The following VEPH1 variants were observed in gnomAD, a reference collection of about 807,000 sequenced individuals.
VEPH1 encodes the protein ventricular zone-expressed PH domain-containing protein homolog 1.
In VEPH1, 80 loss-of-function variants were observed where a neutral mutation model predicts 85.2. That is an observed-to-expected ratio of 0.94 (90% CI 0.78 to 1.13). The LOEUF (loss-of-function observed/expected upper bound fraction) is 1.13. Among genes scored for constraint, VEPH1 ranks in the 50% most tolerant of loss-of-function variants. The pLI is 0.00. For missense variants in VEPH1, 955 were observed against 980.5 expected (o/e 0.97, Z 0.35); for synonymous variants, 297 against 348.0 (o/e 0.85, Z 1.63).
intron 5 of VEPH1, among the ~76,000 whole-genome samples, chr3:157,426,013 G>C (rs974864549): frequency 6.6e-6 from 1 of 152,146 alleles, no homozygotes. Context: ...TTCTGCTTTT[G>C]CATGGGGTTC....
At chr3:157,413,625 C>T (rs934109774) in intron 6 of VEPH1, 2 of 985,356 alleles carry the variant, frequency 2.0e-6, no homozygotes, top group Non-Finnish European at 1.2e-6. Context: ...TTCCACATAA[C>T]CCTGCTACTT....
intron 4 of VEPH1, among the ~76,000 whole-genome samples, chr3:157,449,272 G>T (rs556198465): frequency 4.7e-4 from 71 of 152,202 alleles, no homozygotes; most frequent in Admixed American, 2.0e-3. Context: ...TCAGAATAAG[G>T]ATGTTCCCTT....
intron 9 of VEPH1, among the ~76,000 whole-genome samples, chr3:157,321,019 TA>T (rs1721289901): frequency 6.6e-6 from 1 of 151,766 alleles, no homozygotes; most frequent in South Asian, 2.1e-4. Context: ...CCTATGCCAT[TA>T]TATATATATA....
At chr3:157,437,931 G>A (rs937049126) in intron 4 of VEPH1, 1 of 1,528,778 alleles carries the variant, frequency 6.5e-7, no homozygotes, top group Non-Finnish European at 8.7e-7. Context: ...AGGCAAGCGG[G>A]GCCGGGACCT....
At chr3:157,278,213 G>T (rs1342934184) in intron 12 of VEPH1, among the ~76,000 whole-genome samples, 1 of 152,168 alleles carries the variant, frequency 6.6e-6, no homozygotes, top group African/African-American at 2.4e-5. Flanking sequence ...GTATGCATCG[G>T]GGGGTTACAA....
In VEPH1 at chr3:157,413,876, C is replaced by G; in HGVS notation, c.906+5G>C. On this transcript the variant is annotated splice_donor_5th_base_variant and intron_variant, in intron 6 of 13. Transcript: ENST00000362010. Reference sequence around the variant, plus strand: ...GGGGAATGGAGAGAAAAAAGCCAAACTTACTTCATCCACATGCCCAACAGC... The same window carrying G: ...GGGGAATGGAGAGAAAAAAGCCAAAGTTACTTCATCCACATGCCCAACAGC... The G allele has an allele frequency of 6.2e-7, 1 of 1,612,376 alleles. No homozygotes were observed. The highest frequency in any genetic ancestry group is 8.5e-7 in the Non-Finnish European group (1 of 1,178,902).
At position 157,428,431 on chromosome 3, in the gene VEPH1, A is replaced by G; in HGVS notation, c.587T>C (p.Ile196Thr). 1 of 1,614,136 alleles carries G rather than the reference A, an allele frequency of 6.2e-7. No individual in the cohort carries two copies. The highest frequency in any genetic ancestry group is 1.7e-5 in the Admixed American group (1 of 60,016). Residue 196 changes from isoleucine to threonine, a missense_variant, in exon 5 of 14, where the codon ATT becomes ACT. By Grantham distance (89) the Ile-to-Thr change is moderately conservative. Coordinates refer to ENST00000362010, the MANE Select transcript of VEPH1 (RefSeq NM_001167912.2). ...PAVYEKQPQP[I>T]NRHLTELLAL... ...CAGGAGTTCTGTCAGGTGTCTATTA[A>G]TTGGCTGAGGCTGCTTTTCATACAC...
At chr3:157,415,766 C>A (rs986458230) in intron 5 of VEPH1, among the ~76,000 whole-genome samples, 6 of 152,254 alleles carry the variant, frequency 3.9e-5, no homozygotes, top group Non-Finnish European at 8.8e-5. Flanking sequence ...TCTTAACTTG[C>A]TAAATTTTCT....
At chr3:157,401,805 A>T (rs761675080) in intron 6 of VEPH1, among the ~76,000 whole-genome samples, 1 of 151,826 alleles carries the variant, frequency 6.6e-6, no homozygotes, top group Non-Finnish European at 1.5e-5. Context: ...AGAAGTAAGC[A>T]GAGAATGAAC....
intron 11 of VEPH1, among the ~76,000 whole-genome samples, chr3:157,291,119 AT>A (rs1304687986): frequency 1.3e-5 from 2 of 152,184 alleles, no homozygotes; most frequent in Non-Finnish European, 2.9e-5. Context: ...AAAACATAGG[AT>A]TGCCTTATGT....
At chr3:157,436,899 G>A (rs1194391499) in intron 4 of VEPH1, 46 of 1,604,830 alleles carry the variant, frequency 2.9e-5, no homozygotes, top group Non-Finnish European at 3.6e-5. Context: ...GTCTCCTCCC[G>A]CCAGCTGTGG....
intron 7 of VEPH1, among the ~76,000 whole-genome samples, chr3:157,378,855 C>G (rs1020610340): frequency 9.2e-5 from 14 of 152,128 alleles, no homozygotes; most frequent in South Asian, 2.1e-4. Flanking sequence ...CATCCACCCC[C>G]CTCTTCTTCT....
At chr3:157,358,579 G>A (rs1185721438) in intron 9 of VEPH1, among the ~76,000 whole-genome samples, 1 of 152,106 alleles carries the variant, frequency 6.6e-6, no homozygotes, top group South Asian at 2.1e-4. Flanking sequence ...CCCCAGATGG[G>A]ACCAACTGGA....
At position 157,433,065 on chromosome 3, in the gene VEPH1, A is replaced by T. The variant is rs1026489622; in HGVS notation, c.530-4577T>A. ...TATTAATAAAGCAATAGATTTTTGT[A>T]TGTTGATCTTATATCCAACAAAAGT... is the stretch of plus-strand genomic sequence containing the variant. On this transcript the variant is annotated intron_variant, in intron 4 of 13. Transcript: ENST00000362010. Among the ~76,000 whole-genome samples, 4 of 152,160 alleles carry T rather than the reference A, an allele frequency of 2.6e-5. 1 individual carries two copies. In the South Asian group the frequency reaches 8.3e-4, roughly 31 times the overall value.
chr3:157,475,141 A>G (rs1326933531), intron 2 of VEPH1, among the ~76,000 whole-genome samples: 3 of 146,692 alleles, frequency 2.0e-5, no homozygotes, highest in African/African-American at 7.7e-5. Flanking sequence ...CACCATTCCC[A>G]GCTAATTTTT....
In VEPH1 at chr3:157,261,234, G is replaced by T. The variant is rs201514039; in HGVS notation, c.2402C>A (p.Ala801Asp). Residue 801 changes from alanine (A) to aspartate (D), a missense_variant, in exon 14 of 14, where the codon GCC becomes GAC. Physicochemically the swap from Ala to Asp is moderately radical, Grantham distance 126. Coordinates refer to ENST00000362010, the MANE Select transcript of VEPH1 (RefSeq NM_001167912.2). ...TTCTTCTGCATTCTTCTCATCCTTG[G>T]CCTTAAAGACATAGGTTTTATTGTC... is the stretch of plus-strand genomic sequence containing the variant. ...FTDNKTYVFK[A>D]KDEKNAEEWL... The T allele has an allele frequency of 1.1e-5, 17 of 1,613,588 alleles. No homozygotes were observed. The highest frequency in any genetic ancestry group is 1.4e-5 in the Non-Finnish European group (16 of 1,179,790).
At chr3:157,331,051 GGATCTTGCTGGATGGATGAAACAT>G (rs1387032060) in intron 9 of VEPH1, among the ~76,000 whole-genome samples, 2 of 152,152 alleles carry the variant, frequency 1.3e-5, no homozygotes, top group African/African-American at 2.4e-5. Flanking sequence ...TCACCTGAAT[GGATCTTGCTGGATGGATGAAACAT>G]GACTTGCAGC....
At chr3:157,406,952 C>T (rs539718457) in intron 6 of VEPH1, among the ~76,000 whole-genome samples, 3 of 148,408 alleles carry the variant, frequency 2.0e-5, no homozygotes, top group Non-Finnish European at 4.4e-5. Context: ...TTATTTGAGG[C>T]TTAAATAGAT....
At chr3:157,295,216 G>C (rs1451134636) in intron 11 of VEPH1, among the ~76,000 whole-genome samples, 1 of 152,154 alleles carries the variant, frequency 6.6e-6, no homozygotes, top group Non-Finnish European at 1.5e-5. Context: ...GTAAATAATA[G>C]TAATCTGTGA....
Sources: allele counts gnomAD v4.1 joint callset (sites outside exome capture counted in the v4.1 genomes callset), GRCh38; gene constraint gnomAD v4.1.1; transcripts MANE v1.5; gene names NCBI Gene and HGNC (gene_info 2026-07-23, HGNC 2026-07-21).